The following WDR45 variants were observed in gnomAD, a reference collection of about 807,000 sequenced individuals.
WDR45 encodes the protein WD repeat domain phosphoinositide-interacting protein 4.
Under a neutral mutation model 27.3 loss-of-function variants are expected in WDR45, and 2 were observed. The ratio of observed to expected loss-of-function variants is 0.07; its 90% CI spans 0.03 to 0.23. WDR45 has a LOEUF of 0.23. Ranked by LOEUF, WDR45 falls within the 10% of genes least tolerant of loss-of-function variation. WDR45 has a pLI of 1.00. For missense variants in WDR45, 175 were observed against 311.9 expected, an observed-to-expected ratio of 0.56 and a Z score of 3.31; for synonymous variants, 99 against 119.2, an observed-to-expected ratio of 0.83 and a Z score of 1.11.
At chrX:49,076,399 C>A (rs201121121) in intron 6 of WDR45, 31 bp downstream of exon 6, 9 of 1,194,638 alleles carry the variant, frequency 7.5e-6, no homozygotes, top group Non-Finnish European at 1.0e-5. Context: ...CTGTTTCATG[C>A]CCTTACACCT....
At chrX:49,084,047 T>C (rs1286553436), upstream of WDR45, among the ~76,000 whole-genome samples, 2 of 104,023 alleles carry the variant, frequency 1.9e-5, no homozygotes, top group Admixed American at 2.1e-4. Context: ...TTTCTTTTTC[T>C]TTTTTCTTTT....
upstream of WDR45, among the ~76,000 whole-genome samples, chrX:49,084,519 C>G (rs183917569): frequency 1.8e-5 from 2 of 109,818 alleles, no homozygotes; most frequent in East Asian, 5.8e-4. Context: ...CCTGTCTCTA[C>G]AAGAAAAAAG....
At chrX:49,083,308 G>C (rs376801569), upstream of WDR45, among the ~76,000 whole-genome samples, 3 of 104,304 alleles carry the variant, frequency 2.9e-5, no homozygotes, top group Non-Finnish European at 5.8e-5. Context: ...TACCACGCCC[G>C]GCCTCTCGTT....
chrX:49,077,141 G>A lies in WDR45; in HGVS notation c.236-391C>T, dbSNP rs184239934. 5.9e-4 allele frequency: 117 copies of A among 196,956 alleles called. No individual in the cohort carries two copies. The Middle Eastern group carries it at 9.2e-3, about 15-fold the overall frequency. The allele number at this position is 196,956 out of a possible 1,213,427, so 16.2% of individuals were successfully genotyped here. Reference sequence around the variant, plus strand: ...ATCCTAGGGCTCTGTGACTCACCTAGGGCAACTCCTGCCTTGTCCAGATGG... The same window carrying A: ...ATCCTAGGGCTCTGTGACTCACCTAAGGCAACTCCTGCCTTGTCCAGATGG... On this transcript the variant is annotated intron_variant, in intron 4 of 10. Coordinates refer to ENST00000376372, the MANE Select transcript of WDR45 (RefSeq NM_001029896.2).
chrX:49,083,852 C>T (rs977525122), upstream of WDR45, among the ~76,000 whole-genome samples: 43 of 97,142 alleles, frequency 4.4e-4, no homozygotes, highest in African/African-American at 1.5e-3. Context: ...GAGGCTGAGG[C>T]GGGAGAATCG....
intron 2 of WDR45, among the ~76,000 whole-genome samples, chrX:49,091,048 C>T (rs1002046049): frequency 9.1e-6 from 1 of 110,338 alleles, no homozygotes; most frequent in Admixed American, 9.7e-5. Flanking sequence ...TAGCCTCAAT[C>T]TCCTGACCTC....
chrX:49,075,296 G>C lies in WDR45; in HGVS notation c.828-15C>G. On this transcript the variant is annotated splice_polypyrimidine_tract_variant and intron_variant, in intron 9 of 10. Coordinates refer to ENST00000376372, the MANE Select transcript of WDR45 (RefSeq NM_001029896.2). ...CGCGAGCCAGCCTGCAGGCAGCACT[G>C]GCTAAGCCCAGGTATGGTAAATGGG... 1 of 1,210,923 alleles carries C rather than the reference G, an allele frequency of 8.3e-7. No homozygotes were observed. Among genetic ancestry groups the C allele is most frequent in the African/African-American group, 1.7e-5 (1 of 57,950 alleles).
At chrX:49,082,342 T>C (rs1178218050), upstream of WDR45, among the ~76,000 whole-genome samples, 51 of 111,694 alleles carry the variant, frequency 4.6e-4, 1 homozygote, top group Non-Finnish European at 1.9e-5. Context: ...TTCATGATAT[T>C]ATGTAGCATT....
intron 1 of WDR45, among the ~76,000 whole-genome samples, 181 bp from the exon 2 acceptor site, chrX:49,078,293 G>A (rs1557084597): frequency 8.9e-6 from 1 of 112,586 alleles, no homozygotes; most frequent in East Asian, 2.8e-4. Context: ...AGGCCAAGGC[G>A]GGTGGATCAC....
upstream of WDR45, among the ~76,000 whole-genome samples, chrX:49,082,341 T>A (rs1253418870): frequency 1.8e-5 from 2 of 111,644 alleles, no homozygotes; most frequent in Non-Finnish European, 3.8e-5. Context: ...GTTCATGATA[T>A]TATGTAGCAT....
Position 49,074,721 on chromosome X carries a change from G to C in WDR45, c.*82C>G. The C allele has an allele frequency of 1.2e-6, 1 of 813,050 alleles. No homozygotes were observed. The highest frequency in any genetic ancestry group is 1.8e-6 in the Non-Finnish European group (1 of 543,184). 67.0% of individuals were successfully genotyped at this position (813,050 alleles called of 1,213,427 possible). A position where few individuals can be genotyped will look rare whatever the true frequency, so the allele number is the denominator to read the frequency against. ...CAGCCCCATTAATGCTTGCTGGCTG[G>C]TGGCTTCCAAGCACGCCCCACTGCC... On this transcript the variant is annotated 3_prime_UTR_variant, in exon 11 of 11. Transcript: ENST00000376372.
intron 2 of WDR45, among the ~76,000 whole-genome samples, chrX:49,096,428 A>C (rs1273167981): frequency 5.4e-5 from 6 of 111,706 alleles, no homozygotes; most frequent in African/African-American, 1.9e-4. Flanking sequence ...ACTAGATCTC[A>C]CTATGTTGCC....
intron 2 of WDR45, among the ~76,000 whole-genome samples, chrX:49,095,824 C>T (rs1481215579): frequency 3.8e-5 from 3 of 79,243 alleles, no homozygotes; most frequent in East Asian, 9.5e-4. Flanking sequence ...AGTGCAATGG[C>T]GTGATCTGGG....
chrX:49,083,765 G>A (rs1261443525), upstream of WDR45, among the ~76,000 whole-genome samples: 2 of 107,366 alleles, frequency 1.9e-5, no homozygotes, highest in East Asian at 3.0e-4. Flanking sequence ...TGGCCAACAC[G>A]GTGAAACCCC....
In WDR45 at chrX:49,095,561, C is replaced by T. The variant is rs2065121843; in HGVS notation, c.-18+4644G>A. On this transcript the variant is annotated intron_variant, in intron 2 of 11. Transcript: ENST00000356463. The stretch of plus-strand genomic sequence containing the variant: ...CTGCAACTTCTTCCTCCCAGGTTCA[C>T]GCCATTCTCCTGCCTCAGCCTCCCG... 4.6e-5 allele frequency among the ~76,000 whole-genome samples: 5 copies of T among 108,636 alleles called. No homozygotes were observed. In the Admixed American group the frequency reaches 5.0e-4, roughly 11 times the overall value. The allele number at this position is 108,636 out of a possible 115,157, so 94.3% of individuals were successfully genotyped here.
chrX:49,094,553 A>G (rs1251973883), intron 2 of WDR45, among the ~76,000 whole-genome samples: 1 of 110,713 alleles, frequency 9.0e-6, no homozygotes, highest in African/African-American at 3.3e-5. Context: ...ACAATACTCT[A>G]GAGATGTCAT....
chrX:49,099,809 A>G (rs2065139284), intron 2 of WDR45, among the ~76,000 whole-genome samples: 1 of 107,674 alleles, frequency 9.3e-6, no homozygotes. Context: ...AAAAACAAAA[A>G]AAAACACACA....
chrX:49,087,344 G>T (rs143093468), intron 2 of WDR45, among the ~76,000 whole-genome samples: 2 of 108,445 alleles, frequency 1.8e-5, no homozygotes, highest in East Asian at 5.9e-4. Context: ...GGCAACAAGA[G>T]CAAAACTGCG....
chrX:49,092,710 G>A (rs1469435158), intron 2 of WDR45, among the ~76,000 whole-genome samples: 3 of 111,645 alleles, frequency 2.7e-5, no homozygotes, highest in Admixed American at 9.7e-5. Flanking sequence ...GTCATTGAAA[G>A]AAAAGTAGTT....
Sources: gnomAD v4.1 joint callset for allele counts (sites outside exome capture counted in the v4.1 genomes callset) on GRCh38, gnomAD v4.1.1 for gene constraint, MANE v1.5 for transcripts, NCBI Gene and HGNC (gene_info 2026-07-23, HGNC 2026-07-21) for gene names.